BCAT1: variants seen among roughly 807,000 people sequenced by gnomAD.
BCAT1 encodes the protein branched chain amino acid transaminase 1.
BCAT1 carries 48 observed loss-of-function variants against 52.4 expected under a neutral mutation model. The ratio of observed to expected loss-of-function variants is 0.92; its 90% CI spans 0.73 to 1.16. BCAT1 has a LOEUF of 1.16. BCAT1 is among the 50% of genes most tolerant of loss of function. The probability of loss-of-function intolerance (pLI) is 0.00; values close to 1 mark genes in which losing one functional copy is unlikely to be tolerated. For synonymous variants in BCAT1, 167 were observed against 161.3 expected (o/e 1.04, Z -0.27); for missense variants, 451 against 457.1 (o/e 0.99, Z 0.12).
intron 1 of BCAT1, chr12:24,945,872 T>TACATATAGAAAGTAG (rs1943927056): frequency 6.6e-6 from 1 of 152,038 alleles, no homozygotes; most frequent in Non-Finnish European, 1.5e-5. Flanking sequence ...AAGTAGAGGA[T>TACATATAGAAAGTAG]AGCTGGCACA....
At chr12:24,879,805 C>T (rs1221203361) in intron 4 of BCAT1, among the ~76,000 whole-genome samples, 1 of 152,182 alleles carries the variant, frequency 6.6e-6, no homozygotes, top group Non-Finnish European at 1.5e-5. Flanking sequence ...TACAAAGGCA[C>T]TAATAAACTG....
intron 3 of BCAT1, among the ~76,000 whole-genome samples, chr12:24,885,472 C>A (rs1430028076): frequency 6.6e-6 from 1 of 152,018 alleles, no homozygotes. Context: ...TTTATGTATT[C>A]AATGTAATCC....
chr12:24,881,458 A>G, intron 3 of BCAT1, 47 bp from the exon 4 acceptor site: 1 of 1,306,164 alleles, frequency 7.7e-7, no homozygotes, highest in Admixed American at 1.7e-5. Flanking sequence ...AAAAGAAAAC[A>G]ACCCGTGTTC....
intron 2 of BCAT1, among the ~76,000 whole-genome samples, chr12:24,896,028 A>T (rs1275317942): frequency 6.6e-6 from 1 of 151,606 alleles, no homozygotes; most frequent in Non-Finnish European, 1.5e-5. Context: ...ATTATTTTGT[A>T]TTTTTTTTAG....
chr12:24,824,266 C>CCT (rs1940283349), intron 10 of BCAT1, among the ~76,000 whole-genome samples: 1 of 145,074 alleles, frequency 6.9e-6, no homozygotes, highest in Non-Finnish European at 1.5e-5. Context: ...TTCCTTCCTT[C>CCT]ATTCCCTCCC....
chr12:24,848,415 A>G (rs1941407387), intron 6 of BCAT1, among the ~76,000 whole-genome samples: 1 of 152,210 alleles, frequency 6.6e-6, no homozygotes. Context: ...GCCTACAGTG[A>G]TCATGTATTC....
intron 6 of BCAT1, among the ~76,000 whole-genome samples, chr12:24,849,050 T>A (rs571367641): frequency 1.3e-3 from 196 of 152,278 alleles, no homozygotes; most frequent in African/African-American, 4.6e-3. Context: ...GGAGTCACCT[T>A]CTAGGACAGC....
At chr12:24,852,558 G>T (rs1224429536) in intron 5 of BCAT1, among the ~76,000 whole-genome samples, 1 of 152,002 alleles carries the variant, frequency 6.6e-6, no homozygotes, top group Admixed American at 6.5e-5. Flanking sequence ...ATTTCCCCTG[G>T]TTCATTTTCT....
At chr12:24,912,492 C>A (rs1943343498) in intron 1 of BCAT1, among the ~76,000 whole-genome samples, 1 of 152,072 alleles carries the variant, frequency 6.6e-6, no homozygotes, top group Non-Finnish European at 1.5e-5. Flanking sequence ...TGCACTCCAG[C>A]CTGGGTGACA....
intron 10 of BCAT1, among the ~76,000 whole-genome samples, chr12:24,822,198 T>A (rs1940168075): frequency 6.6e-6 from 1 of 152,246 alleles, no homozygotes; most frequent in South Asian, 2.1e-4. Flanking sequence ...AACGAAACTG[T>A]CATTTGAAAA....
intron 1 of BCAT1, chr12:24,902,277 C>T: frequency 7.5e-7 from 1 of 1,328,536 alleles, no homozygotes; most frequent in Non-Finnish European, 9.6e-7. Context: ...GCGCGCTCAG[C>T]CTCGTGGTCT....
At chr12:24,836,236 G>A (rs530338266) in intron 8 of BCAT1, among the ~76,000 whole-genome samples, 1 of 152,240 alleles carries the variant, frequency 6.6e-6, no homozygotes, top group Non-Finnish European at 1.5e-5. Context: ...AAAGTTGGTG[G>A]GAGATACCTG....
At chr12:24,887,815 C>G (rs986096555) in intron 3 of BCAT1, among the ~76,000 whole-genome samples, 27 of 152,256 alleles carry the variant, frequency 1.8e-4, no homozygotes, top group South Asian at 2.1e-4. Context: ...TCGCAGTTTG[C>G]GTCTCTCCTC....
chr12:24,913,611 T>A (rs552321480), intron 1 of BCAT1, among the ~76,000 whole-genome samples: 86 of 152,270 alleles, frequency 5.6e-4, no homozygotes, highest in African/African-American at 2.0e-3. Context: ...CAACAGACAA[T>A]GCCCAGGCCA....
chr12:24,906,739 G>A (rs1943232514), intron 1 of BCAT1, among the ~76,000 whole-genome samples: 1 of 152,168 alleles, frequency 6.6e-6, no homozygotes, highest in Admixed American at 6.5e-5. Context: ...GCTCTATGTA[G>A]TTGCTCTAGT....
At chr12:24,933,028 T>G (rs1444838997) in intron 1 of BCAT1, among the ~76,000 whole-genome samples, 2 of 150,370 alleles carry the variant, frequency 1.3e-5, no homozygotes, top group Non-Finnish European at 2.9e-5. Context: ...GCCAGGCTGG[T>G]CTCAAACTCC....
At chr12:24,847,601 GAGAGAGAAAA>G (rs1024398088) in intron 6 of BCAT1, among the ~76,000 whole-genome samples, 1 of 152,184 alleles carries the variant, frequency 6.6e-6, no homozygotes, top group African/African-American at 2.4e-5. Context: ...ATGTGCAAGA[GAGAGAGAAAA>G]AGAGAGAAAG....
intron 10 of BCAT1, among the ~76,000 whole-genome samples, chr12:24,826,176 C>T (rs1226870154): frequency 2.0e-5 from 3 of 152,192 alleles, no homozygotes; most frequent in East Asian, 1.9e-4. Flanking sequence ...CATGCCACTA[C>T]ACTCCAGCCT....
At position 24,880,456 on chromosome 12, in the gene BCAT1, C is replaced by CA. The variant is rs376295325; in HGVS notation, c.390+844dup. Among the ~76,000 whole-genome samples the CA allele has an allele frequency of 6.7e-5, 10 of 149,592 alleles. No individual in the cohort carries two copies. In the East Asian group the frequency reaches 1.6e-3, roughly 23 times the overall value. ...TGGGTGACAGAGTGAGACTCTCTCT[C>CA]AAAAAAAAAATCTAACCCATCTTAC... On this transcript the variant is annotated intron_variant, in intron 4 of 10. Coordinates refer to ENST00000261192, the MANE Select transcript of BCAT1 (RefSeq NM_005504.7).
Sources: allele counts gnomAD v4.1 joint callset (sites outside exome capture counted in the v4.1 genomes callset), GRCh38; gene constraint gnomAD v4.1.1; transcripts MANE v1.5; gene names NCBI Gene and HGNC (gene_info 2026-07-23, HGNC 2026-07-21).